GRM8: variants seen among roughly 807,000 people sequenced by gnomAD.
The protein encoded by GRM8 is metabotropic glutamate receptor 8.
A neutral mutation model predicts 87.2 loss-of-function variants in GRM8; 47 were observed. The ratio of observed to expected loss-of-function variants is 0.54; its 90% CI spans 0.43 to 0.69. The LOEUF (loss-of-function observed/expected upper bound fraction) is 0.69. GRM8 is among the 30% of genes least tolerant of loss of function. The pLI is 0.00. For missense variants in GRM8, 1,019 were observed against 1,139.2 expected, an observed-to-expected ratio of 0.89 and a Z score of 1.52; for synonymous variants, 396 against 404.5, an observed-to-expected ratio of 0.98 and a Z score of 0.25.
intron 7 of GRM8, among the ~76,000 whole-genome samples, chr7:126,738,288 T>C (rs1253571770): frequency 6.6e-6 from 1 of 152,032 alleles, no homozygotes; most frequent in Non-Finnish European, 1.5e-5. Flanking sequence ...TAGAAGTGTT[T>C]TGAAAACAAG....
At chr7:127,156,998 T>C (rs913508504) in intron 2 of GRM8, among the ~76,000 whole-genome samples, 1 of 152,158 alleles carries the variant, frequency 6.6e-6, no homozygotes, top group Non-Finnish European at 1.5e-5. Flanking sequence ...ATAGTTAAGA[T>C]CTGTGGAATA....
chr7:127,150,737 C>T (rs1466737917), intron 2 of GRM8, among the ~76,000 whole-genome samples: 1 of 152,082 alleles, frequency 6.6e-6, no homozygotes, highest in Non-Finnish European at 1.5e-5. Context: ...CTATGCTCTA[C>T]TGCCTCCTTC....
intron 8 of GRM8, among the ~76,000 whole-genome samples, chr7:126,603,992 C>A (rs191512727): frequency 7.5e-6 from 1 of 133,100 alleles, no homozygotes. Flanking sequence ...ATGATTTTTG[C>A]ATTAAAAAAA....
chr7:126,541,158 C>T (rs953675877), intron 8 of GRM8, among the ~76,000 whole-genome samples: 3 of 152,062 alleles, frequency 2.0e-5, no homozygotes, highest in South Asian at 2.1e-4. Flanking sequence ...GTGAGTCTCC[C>T]TTACAGAAGG....
At chr7:126,642,964 C>T (rs1022302953) in intron 7 of GRM8, among the ~76,000 whole-genome samples, 3 of 151,976 alleles carry the variant, frequency 2.0e-5, no homozygotes, top group African/African-American at 7.3e-5. Flanking sequence ...ATAGGAAGTG[C>T]TTAATAAATG....
intron 2 of GRM8, among the ~76,000 whole-genome samples, chr7:127,148,713 T>C (rs1828683308): frequency 6.6e-6 from 1 of 152,034 alleles, no homozygotes; most frequent in African/African-American, 2.4e-5. Flanking sequence ...TTAAATAACA[T>C]GCTCCTAAAC....
intron 7 of GRM8, among the ~76,000 whole-genome samples, chr7:126,675,333 A>G (rs571229235): frequency 8.4e-4 from 128 of 152,306 alleles, no homozygotes; most frequent in Admixed American, 3.3e-3. Flanking sequence ...ATTGGTACCA[A>G]TCCTACTGAA....
rs1295470160 is a variant in GRM8 at position 127,252,851 on chromosome 7, T to C, written c.-366A>G. On this transcript the variant is annotated 5_prime_UTR_variant, in exon 1 of 11. It removes an upstream start codon present in the reference 5' UTR. Transcript: ENST00000339582. The surrounding 1 kb of genome is among the most constrained non-coding windows in gnomAD (Gnocchi z 4.9). Reference sequence around the variant, plus strand: ...AGCCCGCCGGGGGCCCGCAGCTCCATGTCAGCGCCGCCGCCGCCGCCGCCG... The same window carrying C: ...AGCCCGCCGGGGGCCCGCAGCTCCACGTCAGCGCCGCCGCCGCCGCCGCCG... 2 of 219,770 alleles carry C rather than the reference T, an allele frequency of 9.1e-6. No individual in the cohort carries two copies. The highest frequency in any genetic ancestry group is 1.6e-4 in the East Asian group (1 of 6,188). 13.6% of individuals were successfully genotyped at this position (219,770 alleles called of 1,614,324 possible).
chr7:126,889,493 C>G (rs1800798286), intron 6 of GRM8, among the ~76,000 whole-genome samples: 1 of 152,042 alleles, frequency 6.6e-6, no homozygotes, highest in South Asian at 2.1e-4. Flanking sequence ...GTAGCACACC[C>G]CCACCATCTG....
rs1457270522 is a variant in GRM8, at chr7:126,533,120, T to G, written c.2262A>C (p.Gly754=). 2.5e-6 allele frequency: 4 copies of G among 1,613,094 alleles called. No homozygotes were observed. Among genetic ancestry groups the G allele is most frequent in the Admixed American group, 1.7e-5 (1 of 59,764 alleles). ...AAGTGACCATCAAGAGGATACTGTATCCAAGTGAACAAATGAGTGAGAGAT... is the reference window on the plus strand; with the variant it reads ...AAGTGACCATCAAGAGGATACTGTAGCCAAGTGAACAAATGAGTGAGAGAT... ...ISDLSLICSL[G]YSILLMVTCT... is the part of the protein sequence containing the mutation. Residue 754 remains glycine (G), a synonymous_variant, in exon 9 of 11, where the codon GGA becomes GGC. Transcript: ENST00000339582.
At chr7:126,769,228 T>G (rs1347930527) in intron 7 of GRM8, among the ~76,000 whole-genome samples, 1 of 152,048 alleles carries the variant, frequency 6.6e-6, no homozygotes, top group Non-Finnish European at 1.5e-5. Flanking sequence ...AGACAGGCAG[T>G]TGGGCTATTT....
At chr7:127,081,362 A>C (rs1267050339) in intron 3 of GRM8, among the ~76,000 whole-genome samples, 2 of 152,182 alleles carry the variant, frequency 1.3e-5, no homozygotes, top group Non-Finnish European at 2.9e-5. Context: ...ATTATTCACA[A>C]TGCAATGCAG....
At chr7:127,045,705 G>A (rs958250979) in intron 3 of GRM8, among the ~76,000 whole-genome samples, 5 of 151,964 alleles carry the variant, frequency 3.3e-5, no homozygotes, top group African/African-American at 4.8e-5. Flanking sequence ...GATCCCACAC[G>A]TGCATAACTT....
chr7:126,861,790 A>G (rs1798160119), intron 6 of GRM8, among the ~76,000 whole-genome samples: 1 of 152,008 alleles, frequency 6.6e-6, no homozygotes, highest in South Asian at 2.1e-4. Flanking sequence ...ATAAGCCTGG[A>G]ACCTAATCTT....
At chr7:127,033,009 CTTT>C (rs5887323) in intron 3 of GRM8, among the ~76,000 whole-genome samples, 1 of 139,952 alleles carries the variant, frequency 7.1e-6, no homozygotes. Context: ...CTTTCGTTTC[CTTT>C]TTTTTTTTTT....
At chr7:127,031,359 T>C (rs372626716) in intron 3 of GRM8, among the ~76,000 whole-genome samples, 3 of 152,220 alleles carry the variant, frequency 2.0e-5, no homozygotes, top group East Asian at 3.9e-4. Flanking sequence ...TATGTCCCTA[T>C]TTATACTATT....
chr7:126,484,239 G>C (rs908983238), intron 9 of GRM8, among the ~76,000 whole-genome samples: 2 of 152,196 alleles, frequency 1.3e-5, no homozygotes, highest in East Asian at 1.9e-4. Context: ...ATAAGTAACA[G>C]CTGGTTACCC....
intron 2 of GRM8, among the ~76,000 whole-genome samples, chr7:127,173,400 G>C (rs1457892532): frequency 6.6e-6 from 1 of 152,108 alleles, no homozygotes; most frequent in Non-Finnish European, 1.5e-5. Flanking sequence ...AAGGTCATGG[G>C]GAAGGGGCAT....
At chr7:126,892,116 C>G (rs1801093768) in intron 6 of GRM8, among the ~76,000 whole-genome samples, 1 of 145,284 alleles carries the variant, frequency 6.9e-6, no homozygotes, top group Admixed American at 6.9e-5. Flanking sequence ...ATTTGTATAA[C>G]TTTTTACATT....
Sources: gnomAD v4.1 joint callset for allele counts (sites outside exome capture counted in the v4.1 genomes callset) on GRCh38, gnomAD v4.1.1 for gene constraint, Gnocchi (gnomAD v3.1) non-coding constraint, MANE v1.5 for transcripts, NCBI Gene and HGNC (gene_info 2026-07-23, HGNC 2026-07-21) for gene names.